Variants in TBC1D9 observed in about 807,000 individuals in gnomAD.
TBC1D9 encodes TBC1 domain family member 9.
In TBC1D9, 63 loss-of-function variants were observed where a neutral mutation model predicts 132.0. That is an observed-to-expected ratio of 0.48 (90% CI 0.39 to 0.59). The LOEUF (loss-of-function observed/expected upper bound fraction) is 0.59. Ranked by LOEUF, TBC1D9 falls within the 20% of genes least tolerant of loss-of-function variation. The probability of loss-of-function intolerance (pLI) is 0.00; values close to 1 mark genes in which losing one functional copy is unlikely to be tolerated. For synonymous variants in TBC1D9, 610 were observed against 609.9 expected (o/e 1.00, Z 0.00); for missense variants, 1,261 against 1,592.7 (o/e 0.79, Z 3.54).
chr4:140,659,523 G>A, intron 11 of TBC1D9, 65 bp downstream of exon 11: 3 of 1,138,960 alleles, frequency 2.6e-6, no homozygotes, highest in Non-Finnish European at 3.8e-6. Flanking sequence ...GTTCTGGCTG[G>A]CACCTCTCTA....
chr4:140,747,083 C>T (rs1308832028), intron 1 of TBC1D9, among the ~76,000 whole-genome samples: 2 of 152,034 alleles, frequency 1.3e-5, no homozygotes, highest in Admixed American at 6.6e-5. Context: ...TATGGTGGCT[C>T]ATGCCTGTAA....
intron 1 of TBC1D9, among the ~76,000 whole-genome samples, chr4:140,735,166 G>A (rs966544267): frequency 1.3e-5 from 2 of 152,096 alleles, no homozygotes; most frequent in Non-Finnish European, 2.9e-5. Flanking sequence ...CTGTTTGAAG[G>A]ACATTCCTAA....
chr4:140,668,599 T>G (rs1560879434), intron 9 of TBC1D9, among the ~76,000 whole-genome samples: 1 of 152,250 alleles, frequency 6.6e-6, no homozygotes, highest in South Asian at 2.1e-4. Flanking sequence ...AAAGAACTAC[T>G]GAAGTCACAA....
intron 11 of TBC1D9, among the ~76,000 whole-genome samples, chr4:140,658,795 A>G (rs1737311901): frequency 6.6e-6 from 1 of 151,598 alleles, no homozygotes. Context: ...TGGGCGACAG[A>G]GCGAGATGGT....
intron 2 of TBC1D9, among the ~76,000 whole-genome samples, chr4:140,696,926 T>C (rs570347452): frequency 6.6e-6 from 1 of 152,324 alleles, no homozygotes; most frequent in Non-Finnish European, 1.5e-5. Flanking sequence ...TCCTATGCCA[T>C]ACTAACTTTG....
chr4:140,697,344 T>C (rs952854516), intron 2 of TBC1D9, among the ~76,000 whole-genome samples: 11 of 152,112 alleles, frequency 7.2e-5, no homozygotes, highest in Non-Finnish European at 1.2e-4. Context: ...ATCATGCCAC[T>C]GAACTCCAGC....
chr4:140,679,015 C>T lies in TBC1D9; in HGVS notation c.778G>A (p.Glu260Lys). ...AGGGATCGATCTTGTTCAAATCCCT[C>T]ATTGTCTAAGAGTTGCCTCATGGCT... ...NIAMRQLLDN[E>K]GFEQDRSLPK... Residue 260 changes from glutamate to lysine, a missense_variant, in exon 5 of 21, where the codon GAG becomes AAG. Physicochemically the swap from Glu to Lys is moderately conservative, Grantham distance 56. Transcript: ENST00000442267. 6.2e-7 allele frequency: 1 copy of T among 1,613,930 alleles called. No individual in the cohort carries two copies. Among genetic ancestry groups the T allele is most frequent in the Non-Finnish European group, 8.5e-7 (1 of 1,179,860 alleles).
Position 140,641,090 on chromosome 4 carries a change from C to CAAAAAAAAAA in TBC1D9, c.2338-1672_2338-1663dup, listed in dbSNP as rs35813378. On this transcript the variant is annotated intron_variant, in intron 13 of 20. Transcript: ENST00000442267. The stretch of plus-strand genomic sequence containing the variant: ...TAAATCTTACAATCATAATACTAAG[C>CAAAAAAAAAA]AAAAAAAAAAAAAACAAAAAAAAAC... Among the ~76,000 whole-genome samples the CAAAAAAAAAA allele has an allele frequency of 6.0e-3, 210 of 34,814 alleles. 1 individual carries two copies. Among genetic ancestry groups the CAAAAAAAAAA allele is most frequent in the East Asian group, 7.3e-3 (8 of 1,092 alleles). 22.8% of individuals were successfully genotyped at this position (34,814 alleles called of 152,430 possible).
intron 15 of TBC1D9, among the ~76,000 whole-genome samples, chr4:140,636,126 T>C (rs769228696): frequency 5.3e-5 from 8 of 152,024 alleles, no homozygotes; most frequent in Non-Finnish European, 1.2e-4. Flanking sequence ...CTTCAGATCA[T>C]CTCCCTTGTT....
intron 10 of TBC1D9, 37 bp downstream of exon 10, chr4:140,661,855 AT>A (rs1737366579): frequency 1.3e-6 from 2 of 1,524,642 alleles, no homozygotes; most frequent in Non-Finnish European, 1.8e-6. Context: ...TAGAAATTTT[AT>A]TTTATTTTTT....
intron 1 of TBC1D9, among the ~76,000 whole-genome samples, chr4:140,753,113 G>A (rs1738951075): frequency 6.6e-6 from 1 of 151,976 alleles, no homozygotes; most frequent in Admixed American, 6.6e-5. Flanking sequence ...CCACCTCCAA[G>A]ACCCCATCAC....
At chr4:140,625,541 CA>C (rs1488927257) in intron 18 of TBC1D9, among the ~76,000 whole-genome samples, 2 of 152,106 alleles carry the variant, frequency 1.3e-5, no homozygotes. Flanking sequence ...TATTACGTGT[CA>C]AATTAATCTC....
chr4:140,666,796 A>C (rs1737453258), intron 9 of TBC1D9, among the ~76,000 whole-genome samples: 1 of 148,160 alleles, frequency 6.7e-6, no homozygotes, highest in African/African-American at 2.4e-5. Context: ...TATCTCAATA[A>C]AGATATCACA....
chr4:140,624,251 A>G (rs758382299), intron 19 of TBC1D9, 32 bp from the exon 20 acceptor site: 130 of 1,610,518 alleles, frequency 8.1e-5, no homozygotes, highest in Non-Finnish European at 1.1e-4. Flanking sequence ...ATAAGTGCTT[A>G]CAGGCCAAAA....
chr4:140,686,572 A>G, intron 2 of TBC1D9, 110 bp from the exon 3 acceptor site: 2 of 667,554 alleles, frequency 3.0e-6, no homozygotes, highest in South Asian at 2.0e-5. Flanking sequence ...CTATCGGACC[A>G]AGAGCTTTGC....
chr4:140,654,259 C>T (rs889132423), intron 13 of TBC1D9, among the ~76,000 whole-genome samples: 47 of 152,194 alleles, frequency 3.1e-4, no homozygotes, highest in African/African-American at 1.1e-3. Flanking sequence ...ACAATCTAAT[C>T]CCGGTTGGCT....
At chr4:140,682,712 T>A (rs1737724668) in intron 3 of TBC1D9, among the ~76,000 whole-genome samples, 2 of 152,308 alleles carry the variant, frequency 1.3e-5, no homozygotes, top group Non-Finnish European at 2.9e-5. Flanking sequence ...TAGAGAAGCC[T>A]GGAGACCCTC....
At chr4:140,736,773 T>A (rs1738679594) in intron 1 of TBC1D9, among the ~76,000 whole-genome samples, 1 of 152,154 alleles carries the variant, frequency 6.6e-6, no homozygotes, top group Non-Finnish European at 1.5e-5. Context: ...CAATCAGAAC[T>A]GTACAATGAT....
chr4:140,622,036 C>T lies in TBC1D9; in HGVS notation c.*159G>A. 9.4e-7 allele frequency: 1 copy of T among 1,067,118 alleles called. No homozygotes were observed. The highest frequency in any genetic ancestry group is 1.3e-6 in the Non-Finnish European group (1 of 786,598). 66.1% of individuals were successfully genotyped at this position (1,067,118 alleles called of 1,614,324 possible). ...TACATTGAGGTGTTTAAATATTTCT[C>T]CAACAGTTTTCATTGAATTACATTA... On this transcript the variant is annotated 3_prime_UTR_variant, in exon 21 of 21. Transcript: ENST00000442267.
Sources: gnomAD v4.1 joint callset for allele counts (sites outside exome capture counted in the v4.1 genomes callset) on GRCh38, gnomAD v4.1.1 for gene constraint, MANE v1.5 for transcripts, NCBI Gene and HGNC (gene_info 2026-07-23, HGNC 2026-07-21) for gene names.